The following OR51E1 variants were observed in gnomAD, a reference collection of about 807,000 sequenced individuals.
The protein encoded by OR51E1 is olfactory receptor 51E1.
OR51E1 carries 9 observed loss-of-function variants against 11.5 expected under a neutral mutation model. The ratio of observed to expected loss-of-function variants is 0.78; its 90% CI spans 0.47 to 1.37. The LOEUF is 1.37. Ranked by LOEUF, OR51E1 falls within the 40% of genes most tolerant of loss-of-function variation. The pLI is 0.00. For synonymous variants in OR51E1, 168 were observed against 158.3 expected (o/e 1.06, Z -0.46); for missense variants, 397 against 410.2 (o/e 0.97, Z 0.28).
rs910448101 is a variant in OR51E1 at position 4,653,983 on chromosome 11, C to A, written c.*500C>A. On this transcript the variant is annotated 3_prime_UTR_variant, in exon 2 of 2. Coordinates refer to ENST00000396952, the MANE Select transcript of OR51E1 (RefSeq NM_152430.4). ...AAATAATTTTTCCTCTGGACACTAG[C>A]ACTTAAGGGGAAGATTGGAAGTAAA... 1 of 167,270 alleles carries A rather than the reference C, an allele frequency of 6.0e-6. No individual in the cohort carries two copies. The allele number at this position is 167,270 out of a possible 1,614,324, so 10.4% of individuals were successfully genotyped here. A position where few individuals can be genotyped will look rare whatever the true frequency, so the allele number is the denominator to read the frequency against.
At chr11:4,645,066 T>G (rs1408058907) in intron 1 of OR51E1, among the ~76,000 whole-genome samples, 2 of 152,204 alleles carry the variant, frequency 1.3e-5, no homozygotes, top group African/African-American at 4.8e-5. Flanking sequence ...AGGCTTTTTC[T>G]GACCCCTGTC....
rs578164481 is a variant in OR51E1 at position 4,646,592 on chromosome 11, G to A, written c.-40+2562G>A. On this transcript the variant is annotated intron_variant, in intron 1 of 1. Transcript: ENST00000396952. ...CTCTAATTAGATAATAAGGAAATAC[G>A]TGGTAGAGGACAAGCCTTTTAATCT... Among the ~76,000 whole-genome samples the A allele has an allele frequency of 1.2e-3, 189 of 152,258 alleles. 1 individual carries two copies. Among genetic ancestry groups the A allele is most frequent in the African/African-American group, 4.4e-3 (183 of 41,544 alleles).
Position 4,653,305 on chromosome 11 carries a change from T to G in OR51E1, c.779T>G (p.Leu260Trp), listed in dbSNP as rs1208915898. ...VFIFYVPFIG[L>W]SMVHRFSKRR... ...ATATTCTATGTACCTTTCATTGGAT[T>G]GTCCATGGTGCATCGCTTTAGCAAG... The change falls in exon 2 of 2, where the codon TTG becomes TGG. Residue 260 changes from leucine to tryptophan, a missense_variant. By Grantham distance (61) the Leu-to-Trp change is moderately conservative. Coordinates refer to ENST00000396952, the MANE Select transcript of OR51E1 (RefSeq NM_152430.4). 2 of 1,614,186 alleles carry G rather than the reference T, an allele frequency of 1.2e-6. No homozygotes were observed. The highest frequency in any genetic ancestry group is 4.5e-5 in the East Asian group (2 of 44,880).
chr11:4,646,514 T>C (rs1315853853), intron 1 of OR51E1, among the ~76,000 whole-genome samples: 2 of 152,214 alleles, frequency 1.3e-5, no homozygotes, highest in African/African-American at 4.8e-5. Flanking sequence ...ACCCTCAACA[T>C]CCTTATCTGT....
At chr11:4,647,905 G>A (rs1046442928) in intron 1 of OR51E1, among the ~76,000 whole-genome samples, 1 of 151,984 alleles carries the variant, frequency 6.6e-6, no homozygotes, top group Admixed American at 6.6e-5. Context: ...AAATAATTTA[G>A]TTCCAAGTTC....
chr11:4,646,393 T>G (rs1164422693), intron 1 of OR51E1, among the ~76,000 whole-genome samples: 1 of 152,092 alleles, frequency 6.6e-6, no homozygotes, highest in Non-Finnish European at 1.5e-5. Flanking sequence ...GAGATTAATA[T>G]TGAAATAGTG....
At chr11:4,649,474 G>T (rs750011470) in intron 1 of OR51E1, among the ~76,000 whole-genome samples, 4 of 152,182 alleles carry the variant, frequency 2.6e-5, no homozygotes, top group Non-Finnish European at 5.9e-5. Context: ...CTTCAATGTG[G>T]CTAGATCATA....
Position 4,644,479 on chromosome 11 carries a change from G to A in OR51E1, c.-40+449G>A, listed in dbSNP as rs535509226. 8.5e-5 allele frequency among the ~76,000 whole-genome samples: 13 copies of A among 152,170 alleles called. No homozygotes were observed. The East Asian group carries it at 2.5e-3, about 29-fold the overall frequency. ...GGGTGGAAGTGGGGCTCTGAGTGAG[G>A]TTGGTTTCACTGTATGCTGTACATC... On this transcript the variant is annotated intron_variant, in intron 1 of 1. Transcript: ENST00000396952.
intron 1 of OR51E1, among the ~76,000 whole-genome samples, chr11:4,648,589 G>T (rs1229096061): frequency 2.6e-5 from 4 of 152,216 alleles, no homozygotes; most frequent in Non-Finnish European, 5.9e-5. Flanking sequence ...AGAGGCAATA[G>T]TGTTGCATAT....
Position 4,653,351 on chromosome 11 carries a change from C to G in OR51E1, c.825C>G (p.Pro275=), listed in dbSNP as rs753953351. The change falls in exon 2 of 2, where the codon CCC becomes CCG. Residue 275 remains proline (P), a synonymous_variant. Coordinates refer to ENST00000396952, the MANE Select transcript of OR51E1 (RefSeq NM_152430.4). Reference sequence around the variant, plus strand: ...GCAAGCGGCGTGACTCTCCGCTGCCCGTCATCTTGGCCAATATCTATCTGC... The same window carrying G: ...GCAAGCGGCGTGACTCTCCGCTGCCGGTCATCTTGGCCAATATCTATCTGC... ...RFSKRRDSPL[P]VILANIYLLV... The G allele has an allele frequency of 1.2e-6, 2 of 1,613,940 alleles. No homozygotes were observed. Among genetic ancestry groups the G allele is most frequent in the Non-Finnish European group, 1.7e-6 (2 of 1,179,840 alleles).
At chr11:4,646,596 T>C (rs1371700637) in intron 1 of OR51E1, among the ~76,000 whole-genome samples, 2 of 152,156 alleles carry the variant, frequency 1.3e-5, no homozygotes, top group Non-Finnish European at 2.9e-5. Flanking sequence ...AAATACGTGG[T>C]AGAGGACAAG....
At chr11:4,647,177 C>G (rs927113203) in intron 1 of OR51E1, among the ~76,000 whole-genome samples, 3 of 152,142 alleles carry the variant, frequency 2.0e-5, no homozygotes, top group Non-Finnish European at 4.4e-5. Flanking sequence ...ACAGATGGCA[C>G]TGTATAGTTT....
chr11:4,646,212 C>T (rs1444386747), intron 1 of OR51E1, among the ~76,000 whole-genome samples: 1 of 152,176 alleles, frequency 6.6e-6, no homozygotes, highest in Admixed American at 6.5e-5. Flanking sequence ...GGCCCTCACT[C>T]CATTGCTCTG....
At position 4,654,053 on chromosome 11, in the gene OR51E1, A is replaced by G. The variant is rs2133228745; in HGVS notation, c.*570A>G. 1 of 166,820 alleles carries G rather than the reference A, an allele frequency of 6.0e-6. No individual in the cohort carries two copies. Among genetic ancestry groups the G allele is most frequent in the South Asian group, 2.1e-4 (1 of 4,818 alleles). The allele number at this position is 166,820 out of a possible 1,614,324, so 10.3% of individuals were successfully genotyped here. On this transcript the variant is annotated 3_prime_UTR_variant, in exon 2 of 2. Transcript: ENST00000396952. ...TACCTACGTTAATGAAAGTTGACAC[A>G]CTGTTCTGAGAGTTTTCACAGCATA...
chr11:4,647,383 T>TG (rs1847042246), intron 1 of OR51E1, among the ~76,000 whole-genome samples: 2 of 152,262 alleles, frequency 1.3e-5, no homozygotes, highest in South Asian at 2.1e-4. Flanking sequence ...GGAAGTCTTC[T>TG]GTCCCTCTGC....
chr11:4,653,167 C>T lies in OR51E1; in HGVS notation c.641C>T (p.Ser214Leu), dbSNP rs1452989915. ...IVIISAIGLD[S>L]LLISFSYLLI... ...ATCATCTCCGCCATTGGCCTGGACT[C>T]ACTTCTCATCTCCTTCTCATATCTG... is the stretch of plus-strand genomic sequence containing the variant. The change falls in exon 2 of 2, where the codon TCA (serine) becomes TTA (leucine). Residue 214 changes from serine (S) to leucine (L), a missense_variant. By Grantham distance (145) the Ser-to-Leu change is moderately radical. Transcript: ENST00000396952. 1 of 1,613,786 alleles carries T rather than the reference C, an allele frequency of 6.2e-7. No individual in the cohort carries two copies. The highest frequency in any genetic ancestry group is 1.3e-5 in the African/African-American group (1 of 74,892).
rs150540678 is a variant in OR51E1 at position 4,653,107 on chromosome 11, A to T, written c.581A>T (p.Asp194Val). The change falls in exon 2 of 2, where the codon GAT becomes GTT. Residue 194 changes from aspartate (D) to valine (V), a missense_variant. Physicochemically the swap from Asp to Val is radical, Grantham distance 152. Coordinates refer to ENST00000396952, the MANE Select transcript of OR51E1 (RefSeq NM_152430.4). ...HQDVMKLACD[D>V]IRVNVVYGLI... ...GATGTCATGAAGCTGGCCTGTGATG[A>T]TATCCGGGTCAATGTCGTCTATGGC... is the stretch of plus-strand genomic sequence containing the variant. 10 of 1,613,806 alleles carry T rather than the reference A, an allele frequency of 6.2e-6. No homozygotes were observed. Among genetic ancestry groups the T allele is most frequent in the Non-Finnish European group, 7.6e-6 (9 of 1,179,824 alleles).
intron 1 of OR51E1, among the ~76,000 whole-genome samples, chr11:4,645,069 C>T (rs1177966982): frequency 6.6e-6 from 1 of 152,124 alleles, no homozygotes; most frequent in East Asian, 1.9e-4. Context: ...CTTTTTCTGA[C>T]CCCTGTCTCC....
chr11:4,647,517 A>C (rs996046633), intron 1 of OR51E1, among the ~76,000 whole-genome samples: 6 of 151,734 alleles, frequency 4.0e-5, no homozygotes, highest in Admixed American at 2.6e-4. Flanking sequence ...TGTCTGGTTT[A>C]TCTCTCTGAC....
Sources: allele counts gnomAD v4.1 joint callset (sites outside exome capture counted in the v4.1 genomes callset), GRCh38; gene constraint gnomAD v4.1.1; transcripts MANE v1.5; gene names NCBI Gene and HGNC (gene_info 2026-07-23, HGNC 2026-07-21).